The following FAM135B variants were observed in gnomAD, a reference collection of about 807,000 sequenced individuals.
FAM135B encodes protein FAM135B.
FAM135B carries 43 observed loss-of-function variants against 127.7 expected under a neutral mutation model. The ratio of observed to expected loss-of-function variants is 0.34; its 90% CI spans 0.26 to 0.43. FAM135B has a LOEUF of 0.43. Among genes scored for constraint, FAM135B ranks in the 20% least tolerant of loss-of-function variants. The pLI is 1.00. For missense variants in FAM135B, 1,558 were observed against 1,725.6 expected (o/e 0.90, Z 1.72); for synonymous variants, 670 against 665.1 (o/e 1.01, Z -0.11).
At chr8:138,487,066 C>T (rs1000342635) in intron 1 of FAM135B, among the ~76,000 whole-genome samples, 1 of 151,988 alleles carries the variant, frequency 6.6e-6, no homozygotes, top group African/African-American at 2.4e-5. Context: ...CTGGAACAGT[C>T]CCTCTCAAAA....
chr8:138,206,296 T>C (rs1390857787), intron 7 of FAM135B, among the ~76,000 whole-genome samples: 3 of 132,614 alleles, frequency 2.3e-5, no homozygotes, highest in South Asian at 2.6e-4. Flanking sequence ...CACAGCTCTA[T>C]CATCCCCTCC....
intron 3 of FAM135B, among the ~76,000 whole-genome samples, chr8:138,280,202 C>A (rs1007448111): frequency 4.6e-5 from 7 of 152,154 alleles, no homozygotes; most frequent in Admixed American, 2.6e-4. Context: ...GCTCTCTTGA[C>A]TCCTTGTGTC....
rs989042122 is a variant in FAM135B at position 138,195,635 on chromosome 8, C to T, written c.824-328G>A. Among the ~76,000 whole-genome samples the T allele has an allele frequency of 9.6e-5, 8 of 83,214 alleles. No individual in the cohort carries two copies. The Admixed American group carries it at 1.2e-3, about 13-fold the overall frequency. The allele number at this position is 83,214 out of a possible 152,430, so 54.6% of individuals were successfully genotyped here. On this transcript the variant is annotated intron_variant, in intron 8 of 19. Coordinates refer to ENST00000395297, the MANE Select transcript of FAM135B (RefSeq NM_015912.4). ...ACGTTTATTTCTGTTTTTGCAGGTACACACACACACACACACACACACAAA... is the reference window on the plus strand; with the variant it reads ...ACGTTTATTTCTGTTTTTGCAGGTATACACACACACACACACACACACAAA...
intron 3 of FAM135B, among the ~76,000 whole-genome samples, chr8:138,279,627 AAGATT>A (rs1294198742): frequency 6.9e-6 from 1 of 145,492 alleles, no homozygotes; most frequent in Non-Finnish European, 1.5e-5. Context: ...GTAATCATGA[AAGATT>A]AGATAAGACA....
intron 1 of FAM135B, among the ~76,000 whole-genome samples, chr8:138,421,092 A>T (rs941642688): frequency 1.3e-5 from 2 of 152,212 alleles, no homozygotes; most frequent in Non-Finnish European, 2.9e-5. Context: ...CAGACAGATC[A>T]TGAGGTCAGG....
intron 2 of FAM135B, among the ~76,000 whole-genome samples, chr8:138,362,283 C>CTT (rs34005300): frequency 0.015 from 1,463 of 99,092 alleles, 39 homozygotes; most frequent in Middle Eastern, 0.027. Flanking sequence ...ACCCCCATAT[C>CTT]TTTTTTTTTT....
At chr8:138,237,768 C>T (rs1820416811) in intron 7 of FAM135B, among the ~76,000 whole-genome samples, 1 of 152,184 alleles carries the variant, frequency 6.6e-6, no homozygotes, top group Non-Finnish European at 1.5e-5. Flanking sequence ...TGGATGGCAA[C>T]TCTTCCCTGG....
intron 7 of FAM135B, among the ~76,000 whole-genome samples, chr8:138,226,432 A>T (rs1258151251): frequency 6.6e-6 from 1 of 152,122 alleles, no homozygotes; most frequent in Non-Finnish European, 1.5e-5. Context: ...TCTCCCAAGG[A>T]ATTCACGTTT....
At chr8:138,427,021 G>A (rs1196297448) in intron 1 of FAM135B, among the ~76,000 whole-genome samples, 3 of 151,902 alleles carry the variant, frequency 2.0e-5, no homozygotes, top group Non-Finnish European at 4.4e-5. Context: ...GCATAATAAT[G>A]TTTGAGCAAA....
intron 3 of FAM135B, among the ~76,000 whole-genome samples, chr8:138,278,401 C>T (rs183974030): frequency 3.0e-4 from 45 of 151,930 alleles, no homozygotes; most frequent in African/African-American, 1.1e-3. Context: ...TGTCAATGAA[C>T]ACCTATGCCT....
chr8:138,345,026 T>A (rs1461005797), intron 2 of FAM135B, among the ~76,000 whole-genome samples: 1 of 152,180 alleles, frequency 6.6e-6, no homozygotes, highest in Non-Finnish European at 1.5e-5. Flanking sequence ...GTTTGGGTCA[T>A]AACCATGAAA....
chr8:138,247,296 C>G (rs1236399950), intron 6 of FAM135B, among the ~76,000 whole-genome samples: 1 of 152,152 alleles, frequency 6.6e-6, no homozygotes, highest in Non-Finnish European at 1.5e-5. Flanking sequence ...CTACCCAAAG[C>G]TCATCTTGAA....
At chr8:138,371,639 G>A (rs1344532330) in intron 1 of FAM135B, among the ~76,000 whole-genome samples, 4 of 152,128 alleles carry the variant, frequency 2.6e-5, no homozygotes, top group African/African-American at 9.7e-5. Flanking sequence ...ACCTTGGGTA[G>A]ACCAATTTTC....
chr8:138,278,972 T>C (rs1245692976), intron 3 of FAM135B, among the ~76,000 whole-genome samples: 1 of 152,150 alleles, frequency 6.6e-6, no homozygotes, highest in Non-Finnish European at 1.5e-5. Flanking sequence ...TCCTGGCTCA[T>C]AGTGATTTCC....
chr8:138,145,306 G>A (rs1006491733), intron 15 of FAM135B, among the ~76,000 whole-genome samples: 8 of 152,100 alleles, frequency 5.3e-5, no homozygotes, highest in African/African-American at 1.7e-4. Context: ...GCGAGCCACC[G>A]CGCCCAGCCA....
At chr8:138,403,019 G>C (rs1195113371) in intron 1 of FAM135B, among the ~76,000 whole-genome samples, 1 of 152,142 alleles carries the variant, frequency 6.6e-6, no homozygotes, top group East Asian at 1.9e-4. Context: ...AACTGAAGCA[G>C]GCCCTTACTA....
intron 1 of FAM135B, among the ~76,000 whole-genome samples, chr8:138,471,193 C>T (rs1039592794): frequency 2.7e-5 from 4 of 148,910 alleles, no homozygotes; most frequent in African/African-American, 1.0e-4. Flanking sequence ...GCTGGCAACA[C>T]ATTATCATGC....
intron 7 of FAM135B, among the ~76,000 whole-genome samples, chr8:138,212,050 A>G (rs1818184732): frequency 6.6e-6 from 1 of 152,234 alleles, no homozygotes; most frequent in South Asian, 2.1e-4. Flanking sequence ...CCTTGGTGAC[A>G]GAAAGACATT....
intron 1 of FAM135B, among the ~76,000 whole-genome samples, chr8:138,460,288 T>G (rs949039838): frequency 1.3e-5 from 2 of 152,178 alleles, no homozygotes; most frequent in Non-Finnish European, 1.5e-5. Flanking sequence ...GAATGGAAGA[T>G]TCCATAGACT....
Sources: allele counts gnomAD v4.1 joint callset (sites outside exome capture counted in the v4.1 genomes callset), GRCh38; gene constraint gnomAD v4.1.1; transcripts MANE v1.5; gene names NCBI Gene and HGNC (gene_info 2026-07-23, HGNC 2026-07-21).